WDR35: variants seen among roughly 807,000 people sequenced by gnomAD.
The protein encoded by WDR35 is WD repeat-containing protein 35.
In WDR35, 118 loss-of-function variants were observed where a neutral mutation model predicts 158.3. That is an observed-to-expected ratio of 0.75 (90% CI 0.64 to 0.87). WDR35 has a LOEUF of 0.87. Among genes scored for constraint, WDR35 ranks in the 40% least tolerant of loss-of-function variants. The pLI is 0.00. For missense variants in WDR35, 1,263 were observed against 1,405.8 expected (o/e 0.90, Z 1.62); for synonymous variants, 448 against 476.1 (o/e 0.94, Z 0.77).
chr2:19,945,715 A>G (rs1482388690), intron 16 of WDR35, 71 bp downstream of exon 16: 1 of 1,557,146 alleles, frequency 6.4e-7, no homozygotes, highest in East Asian at 2.2e-5. Context: ...AAAGAAACAA[A>G]GGGGAATCAT....
Position 19,911,251 on chromosome 2 carries a change from G to A in WDR35, c.*2307C>T, listed in dbSNP as rs188307832. ...GTGCAACCAACAAATCACAGTAAGG[G>A]GCTAGAGGCATGACAATCGAATGAA... On this transcript the variant is annotated 3_prime_UTR_variant, in exon 27 of 27. Transcript: ENST00000281405. 1 of 152,326 alleles carries A rather than the reference G, an allele frequency of 6.6e-6. No individual in the cohort carries two copies. 9.4% of individuals were successfully genotyped at this position (152,326 alleles called of 1,614,324 possible).
rs35999226 is a variant in WDR35 at position 19,963,721 on chromosome 2, C to CATTTATTT, written c.1194+2995_1194+3002dup. On this transcript the variant is annotated intron_variant, in intron 10 of 26. Coordinates refer to ENST00000281405, the MANE Select transcript of WDR35 (RefSeq NM_020779.4). The stretch of plus-strand genomic sequence containing the variant: ...CATCTAAAAATGTCTGTATTCCACC[C>CATTTATTT]ATTTATTTATTTATTTATTTATTTA... Among the ~76,000 whole-genome samples the CATTTATTT allele has an allele frequency of 1.4e-3, 205 of 149,694 alleles. 1 individual carries two copies. Among genetic ancestry groups the CATTTATTT allele is most frequent in the South Asian group, 0.011 (52 of 4,674 alleles).
At chr2:19,959,541 C>T (rs922767335) in intron 11 of WDR35, among the ~76,000 whole-genome samples, 3 of 151,806 alleles carry the variant, frequency 2.0e-5, no homozygotes, top group Non-Finnish European at 2.9e-5. Context: ...GAATGTAAGA[C>T]ATGAAGTTGA....
rs3731666 is a variant in WDR35 at position 19,989,559 on chromosome 2, G to A, written c.25-277C>T. Among the ~76,000 whole-genome samples the A allele has an allele frequency of 2.7e-4, 41 of 152,310 alleles. No individual in the cohort carries two copies. The East Asian group carries it at 2.9e-3, about 11-fold the overall frequency. ...GGATGGATTTTTTAAAGGGAGGACG[G>A]GGAGAGGGTATAAATCCATACCACC... On this transcript the variant is annotated intron_variant, in intron 1 of 26. Coordinates refer to ENST00000281405, the MANE Select transcript of WDR35 (RefSeq NM_020779.4).
chr2:19,982,076 C>T (rs1262993234), intron 3 of WDR35, among the ~76,000 whole-genome samples: 1 of 152,168 alleles, frequency 6.6e-6, no homozygotes, highest in African/African-American at 2.4e-5. Flanking sequence ...ATGCAATGCA[C>T]ATTCAGTAGA....
chr2:19,973,131 T>C (rs980617156), intron 8 of WDR35, among the ~76,000 whole-genome samples: 2 of 152,122 alleles, frequency 1.3e-5, no homozygotes, highest in Non-Finnish European at 2.9e-5. Flanking sequence ...TTAAAAGTAT[T>C]AGAAGTTTGA....
At chr2:19,974,666 A>G (rs762227270) in intron 6 of WDR35, 33 bp from the exon 7 acceptor site, 3 of 1,585,256 alleles carry the variant, frequency 1.9e-6, no homozygotes, top group Non-Finnish European at 2.6e-6. Context: ...AATATTTTAC[A>G]TTTTAAAACA....
intron 13 of WDR35, among the ~76,000 whole-genome samples, chr2:19,949,130 G>A (rs891059776): frequency 1.3e-5 from 2 of 152,100 alleles, no homozygotes; most frequent in Non-Finnish European, 2.9e-5. Context: ...GCTGAGTGAA[G>A]GGACTCTTTT....
At chr2:19,960,719 T>C (rs1671621732) in intron 10 of WDR35, 105 bp from the exon 11 acceptor site, 2 of 874,666 alleles carry the variant, frequency 2.3e-6, no homozygotes, top group African/African-American at 1.7e-5. Flanking sequence ...TATTGCTAAC[T>C]GGGAAATAAC....
rs1572367330 is a variant in WDR35 at position 19,980,799 on chromosome 2, A to G, written c.215-16T>C. On this transcript the variant is annotated splice_polypyrimidine_tract_variant and intron_variant, in intron 3 of 26. Transcript: ENST00000281405. ...TGAACAGAACCTAGAACATTATAAA[A>G]CAATTTAGAAACTTAAAGGTTACAA... 1.2e-6 allele frequency: 2 copies of G among 1,606,740 alleles called. No individual in the cohort carries two copies. The highest frequency in any genetic ancestry group is 1.7e-6 in the Non-Finnish European group (2 of 1,173,786).
At chr2:19,942,089 G>A (rs1369941615) in intron 16 of WDR35, among the ~76,000 whole-genome samples, 1 of 152,048 alleles carries the variant, frequency 6.6e-6, no homozygotes, top group Non-Finnish European at 1.5e-5. Flanking sequence ...AAATACTGCA[G>A]TACATATCTT....
chr2:19,977,676 C>G (rs1299680161), intron 5 of WDR35, among the ~76,000 whole-genome samples: 1 of 152,284 alleles, frequency 6.6e-6, no homozygotes, highest in Non-Finnish European at 1.5e-5. Flanking sequence ...TGCTCCCATT[C>G]TTAAAACTTT....
At chr2:19,981,196 C>G (rs1672371306) in intron 3 of WDR35, among the ~76,000 whole-genome samples, 1 of 152,184 alleles carries the variant, frequency 6.6e-6, no homozygotes. Flanking sequence ...CTCTTCTGCC[C>G]ACCTCTCACT....
intron 24 of WDR35, among the ~76,000 whole-genome samples, 181 bp from the exon 25 acceptor site, chr2:19,930,733 T>C (rs1426132486): frequency 1.3e-5 from 2 of 152,152 alleles, no homozygotes; most frequent in Admixed American, 6.5e-5. Context: ...GGAATGCAGC[T>C]GCGTGGTCAT....
chr2:19,985,758 G>A lies in WDR35; in HGVS notation c.143-3224C>T, dbSNP rs189961942. ...AAAAAATACAAAAAATTAGCTGGGC[G>A]TGGTGGCACGCACCTGTAATCCCAG... On this transcript the variant is annotated intron_variant, in intron 2 of 26. Coordinates refer to ENST00000281405, the MANE Select transcript of WDR35 (RefSeq NM_020779.4). 3.9e-3 allele frequency among the ~76,000 whole-genome samples: 588 copies of A among 151,004 alleles called. 7 individuals carry two copies. The highest frequency in any genetic ancestry group is 0.013 in the African/African-American group (547 of 41,294).
chr2:19,983,396 A>G (rs1173958378), intron 2 of WDR35, among the ~76,000 whole-genome samples: 1 of 152,242 alleles, frequency 6.6e-6, no homozygotes, highest in African/African-American at 2.4e-5. Flanking sequence ...AAGAAAAACT[A>G]TGAAGTATTT....
intron 20 of WDR35, 140 bp downstream of exon 20, chr2:19,936,079 C>T (rs756182043): frequency 2.5e-5 from 35 of 1,378,870 alleles, no homozygotes; most frequent in Non-Finnish European, 3.5e-5. Flanking sequence ...CTCCGGCTTT[C>T]CAAGATGAAT....
intron 4 of WDR35, among the ~76,000 whole-genome samples, chr2:19,979,720 T>C (rs1272823459): frequency 6.6e-6 from 1 of 151,108 alleles, no homozygotes; most frequent in Non-Finnish European, 1.5e-5. Flanking sequence ...AGACCTACCT[T>C]GGAAACAGAC....
At chr2:19,931,808 T>G (rs1453567913) in intron 23 of WDR35, among the ~76,000 whole-genome samples, 1 of 152,160 alleles carries the variant, frequency 6.6e-6, no homozygotes, top group African/African-American at 2.4e-5. Context: ...TGAAACTTAT[T>G]TAAATGATTT....
Sources: allele counts gnomAD v4.1 joint callset (sites outside exome capture counted in the v4.1 genomes callset), GRCh38; gene constraint gnomAD v4.1.1; transcripts MANE v1.5; gene names NCBI Gene and HGNC (gene_info 2026-07-23, HGNC 2026-07-21).